The following TBL1X variants were observed in gnomAD, a reference collection of about 807,000 sequenced individuals.
TBL1X encodes the protein F-box-like/WD repeat-containing protein TBL1X.
TBL1X carries 10 observed loss-of-function variants against 50.7 expected under a neutral mutation model. The ratio of observed to expected loss-of-function variants is 0.20; its 90% CI spans 0.12 to 0.33. The LOEUF (loss-of-function observed/expected upper bound fraction) is 0.33, where lower values mean the gene tolerates loss of function less well. TBL1X is among the 10% of genes least tolerant of loss of function. TBL1X has a pLI of 1.00. For synonymous variants in TBL1X, 190 were observed against 214.7 expected (o/e 0.88, Z 1.01); for missense variants, 340 against 504.4 (o/e 0.67, Z 3.12).
intron 2 of TBL1X, among the ~76,000 whole-genome samples, chrX:9,572,370 G>A (rs1420358706): frequency 8.9e-6 from 1 of 112,737 alleles, no homozygotes; most frequent in Non-Finnish European, 1.9e-5. Flanking sequence ...GCCGGCCTTC[G>A]CCATGTCCCT....
chrX:9,537,398 C>T (rs1351602572), intron 2 of TBL1X, among the ~76,000 whole-genome samples: 1 of 110,544 alleles, frequency 9.0e-6, no homozygotes, highest in Non-Finnish European at 1.9e-5. Flanking sequence ...ATATTCATTA[C>T]ATTGTGCAAT....
chrX:9,563,536 C>T (rs1176994514), intron 2 of TBL1X, among the ~76,000 whole-genome samples: 1 of 112,603 alleles, frequency 8.9e-6, no homozygotes, highest in African/African-American at 3.2e-5. Flanking sequence ...CCCTGATTTT[C>T]GTATTTTAAA....
rs201781493 is a variant in TBL1X, at chrX:9,691,529, G to GTT, written c.617-48_617-47dup. On this transcript the variant is annotated intron_variant, in intron 7 of 17. Coordinates refer to ENST00000645353, the MANE Select transcript of TBL1X (RefSeq NM_005647.4). ...GGAAACAAAAGAGCCCTTTAAGTGT[G>GTT]TTTCTCTTGTATTGGTAAGCCACTT... The GTT allele has an allele frequency of 2.4e-3, 2,832 of 1,184,400 alleles. 35 individuals carry two copies. In the African/African-American group the frequency reaches 0.044, roughly 18 times the overall value.
In TBL1X at chrX:9,571,334, A is replaced by T. The variant is rs1377766582; in HGVS notation, c.-130-68939A>T. Among the ~76,000 whole-genome samples, 3 of 112,295 alleles carry T rather than the reference A, an allele frequency of 2.7e-5. No homozygotes were observed. In the East Asian group the frequency reaches 8.4e-4, roughly 31 times the overall value. On this transcript the variant is annotated intron_variant, in intron 2 of 17. Transcript: ENST00000645353. Reference sequence around the variant, plus strand: ...AATTTAGTTTAACTTCATTTCATTTACAGGGTGTTAAAAAGGAAAATCATC... The same window carrying T: ...AATTTAGTTTAACTTCATTTCATTTTCAGGGTGTTAAAAAGGAAAATCATC...
intron 2 of TBL1X, among the ~76,000 whole-genome samples, chrX:9,564,727 G>A (rs2082340452): frequency 9.7e-6 from 1 of 103,201 alleles, no homozygotes; most frequent in Non-Finnish European, 2.0e-5. Flanking sequence ...GCAAGACTCT[G>A]TCTCAAAAAA....
At chrX:9,628,678 G>T (rs1445281434) in intron 2 of TBL1X, among the ~76,000 whole-genome samples, 4 of 110,110 alleles carry the variant, frequency 3.6e-5, no homozygotes, top group Non-Finnish European at 7.6e-5. Flanking sequence ...CTCCCAAGTA[G>T]CTGGGATTAC....
intron 2 of TBL1X, among the ~76,000 whole-genome samples, chrX:9,517,836 G>A (rs755877033): frequency 1.7e-3 from 194 of 112,196 alleles, no homozygotes; most frequent in Non-Finnish European, 2.3e-3. Flanking sequence ...TGGGAGCGGC[G>A]GCTCATGCCT....
At chrX:9,708,384 C>T (rs762697272) in intron 13 of TBL1X, among the ~76,000 whole-genome samples, 3 of 112,516 alleles carry the variant, frequency 2.7e-5, no homozygotes, top group Non-Finnish European at 5.6e-5. Context: ...TCAGCATTTG[C>T]CTCTCACTTG....
chrX:9,600,345 C>A (rs994261596), intron 2 of TBL1X, among the ~76,000 whole-genome samples: 6 of 106,287 alleles, frequency 5.6e-5, no homozygotes, highest in African/African-American at 2.1e-4. Context: ...TCTCTGGGGT[C>A]CCTTTGATAA....
chrX:9,608,269 G>T (rs147147584), intron 2 of TBL1X, among the ~76,000 whole-genome samples: 94 of 111,722 alleles, frequency 8.4e-4, no homozygotes, highest in African/African-American at 2.9e-3. Context: ...CTTGACCACT[G>T]GGTTTAGGTC....
chrX:9,715,026 T>C, intron 17 of TBL1X, 23 bp downstream of exon 17: 1 of 1,187,769 alleles, frequency 8.4e-7, no homozygotes, highest in Non-Finnish European at 1.1e-6. Flanking sequence ...TCTGGTTTGC[T>C]GGGGAGTGGG....
At chrX:9,686,420 A>G (rs1478854286) in intron 6 of TBL1X, among the ~76,000 whole-genome samples, 1 of 112,623 alleles carries the variant, frequency 8.9e-6, no homozygotes, top group Non-Finnish European at 1.9e-5. Flanking sequence ...GTGAGACGCC[A>G]GGGGCGGTAG....
In TBL1X at chrX:9,608,260, T is replaced by C. The variant is rs763775236; in HGVS notation, c.-130-32013T>C. Among the ~76,000 whole-genome samples the C allele has an allele frequency of 4.5e-5, 5 of 111,924 alleles. No homozygotes were observed. In the South Asian group the frequency reaches 1.5e-3, roughly 34 times the overall value. The stretch of plus-strand genomic sequence containing the variant: ...TGACTCACCACTGTTGCTGTTGACC[T>C]TGACCACTGGGTTTAGGTCATGGGT... On this transcript the variant is annotated intron_variant, in intron 2 of 17. Coordinates refer to ENST00000645353, the MANE Select transcript of TBL1X (RefSeq NM_005647.4).
intron 16 of TBL1X, among the ~76,000 whole-genome samples, chrX:9,713,245 A>G (rs1434692367): frequency 2.7e-5 from 3 of 110,966 alleles, no homozygotes; most frequent in African/African-American, 9.8e-5. Flanking sequence ...GCATCTCAGC[A>G]CTAGTGTCCA....
At chrX:9,512,002 A>G (rs1225046643) in intron 2 of TBL1X, among the ~76,000 whole-genome samples, 1 of 111,562 alleles carries the variant, frequency 9.0e-6, no homozygotes, top group Non-Finnish European at 1.9e-5. Context: ...TTGGGATTAC[A>G]GACACATGCC....
intron 2 of TBL1X, among the ~76,000 whole-genome samples, chrX:9,513,302 T>C (rs1336515785): frequency 9.0e-6 from 1 of 110,937 alleles, no homozygotes; most frequent in African/African-American, 3.3e-5. Context: ...TAGACTCTAC[T>C]GACGAGTATA....
At chrX:9,479,820 T>G (rs1214592450) in intron 1 of TBL1X, among the ~76,000 whole-genome samples, 1 of 111,995 alleles carries the variant, frequency 8.9e-6, no homozygotes, top group Non-Finnish European at 1.9e-5. Flanking sequence ...TGGTTAAAAT[T>G]GCTTATTTAC....
At chrX:9,546,911 T>G (rs34033409) in intron 2 of TBL1X, among the ~76,000 whole-genome samples, 2 of 93,572 alleles carry the variant, frequency 2.1e-5, no homozygotes, top group Non-Finnish European at 4.1e-5. Flanking sequence ...CTCCGCCTCC[T>G]GGGTTCACAC....
chrX:9,665,489 CTA>C (rs56756151), intron 5 of TBL1X, among the ~76,000 whole-genome samples: 227 of 19,685 alleles, frequency 0.012, 1 homozygote, highest in Admixed American at 0.013. Context: ...GATATTCAAG[CTA>C]TATATATATA....
Sources: allele counts gnomAD v4.1 joint callset (sites outside exome capture counted in the v4.1 genomes callset), GRCh38; gene constraint gnomAD v4.1.1; transcripts MANE v1.5; gene names NCBI Gene and HGNC (gene_info 2026-07-23, HGNC 2026-07-21).